Variants in ZNF618 observed in about 807,000 individuals in gnomAD.
ZNF618 encodes zinc finger protein 618.
Under a neutral mutation model 103.0 loss-of-function variants are expected in ZNF618, and 34 were observed. The observed-to-expected ratio is 0.33, with a 90% CI of 0.25 to 0.44. The LOEUF (loss-of-function observed/expected upper bound fraction) is 0.44, where lower values mean the gene tolerates loss of function less well. ZNF618 is among the 20% of genes least tolerant of loss of function. The pLI, the probability that ZNF618 is intolerant of heterozygous loss-of-function variation, is 1.00. For missense variants in ZNF618, 1,059 were observed against 1,295.4 expected, an observed-to-expected ratio of 0.82 and a Z score of 2.80; for synonymous variants, 551 against 542.2, an observed-to-expected ratio of 1.02 and a Z score of -0.23.
intron 9 of ZNF618, chr9:114,016,147 A>G (rs535922395): frequency 2.5e-6 from 4 of 1,613,726 alleles, no homozygotes; most frequent in Admixed American, 1.7e-5. Flanking sequence ...TTAAGAAGAA[A>G]GAAGTTAGGC....
intron 1 of ZNF618, among the ~76,000 whole-genome samples, chr9:113,930,951 A>G (rs1212830158): frequency 6.6e-6 from 1 of 152,236 alleles, no homozygotes. Flanking sequence ...ATATTTTTAC[A>G]TTAAATTGTG....
chr9:113,992,772 G>A (rs74986583), intron 3 of ZNF618, among the ~76,000 whole-genome samples: 5 of 152,332 alleles, frequency 3.3e-5, no homozygotes, highest in East Asian at 1.9e-4. Context: ...GGCACTTCCC[G>A]TGGGGGAGCC....
intron 1 of ZNF618, among the ~76,000 whole-genome samples, chr9:113,919,470 T>C (rs149926615): frequency 2.0e-5 from 3 of 152,360 alleles, no homozygotes; most frequent in Admixed American, 1.3e-4. Flanking sequence ...AGTTGAATTG[T>C]ATGTGTGTGT....
At position 114,050,063 on chromosome 9, in the gene ZNF618, G is replaced by A. The variant is rs757782164; in HGVS notation, c.2761G>A (p.Gly921Arg). 1.5e-5 allele frequency: 24 copies of A among 1,613,430 alleles called. No individual in the cohort carries two copies. Among genetic ancestry groups the A allele is most frequent in the Non-Finnish European group, 1.9e-5 (22 of 1,179,904 alleles). Residue 921 changes from glycine to arginine, a missense_variant, in exon 15 of 15, where the codon GGG becomes AGG. Gly to Arg is a moderately radical substitution (Grantham distance 125, BLOSUM62 -2). Coordinates refer to ENST00000374126, the MANE Select transcript of ZNF618 (RefSeq NM_001318042.2). ...LAVPAVGARS[G>R]CVNMCEQALL... ...GGTTCCGGCCGTGGGCGCCAGAAGC[G>A]GGTGTGTAAATATGTGTGAACAAGC...
chr9:113,991,607 C>A (rs988644964), intron 3 of ZNF618, among the ~76,000 whole-genome samples: 2 of 152,190 alleles, frequency 1.3e-5, no homozygotes, highest in Admixed American at 6.5e-5. Context: ...ATTGTTTCTG[C>A]TTTTTCCCAT....
chr9:114,003,053 T>C (rs918052643), intron 6 of ZNF618, among the ~76,000 whole-genome samples: 1 of 152,244 alleles, frequency 6.6e-6, no homozygotes, highest in Non-Finnish European at 1.5e-5. Flanking sequence ...TGTGTTCTTT[T>C]GACTCTGACT....
At chr9:113,932,798 T>A (rs1196550083) in intron 1 of ZNF618, among the ~76,000 whole-genome samples, 1 of 151,966 alleles carries the variant, frequency 6.6e-6, no homozygotes, top group African/African-American at 2.4e-5. Flanking sequence ...AGCCATTAGG[T>A]GAATTTTAAG....
intron 1 of ZNF618, among the ~76,000 whole-genome samples, chr9:113,889,347 T>TCCCTCCC (rs1477289947): frequency 3.8e-5 from 4 of 104,122 alleles, no homozygotes; most frequent in Admixed American, 2.8e-4. Context: ...CTCTCTCTCT[T>TCCCTCCC]TCTCTCCCTC....
At chr9:113,935,477 C>T (rs796419296) in intron 1 of ZNF618, among the ~76,000 whole-genome samples, 30 of 152,290 alleles carry the variant, frequency 2.0e-4, no homozygotes, top group African/African-American at 7.0e-4. Flanking sequence ...CTGCACCCCA[C>T]CTGGCCCTGG....
intron 10 of ZNF618, among the ~76,000 whole-genome samples, chr9:114,020,551 A>G (rs1217903911): frequency 6.6e-6 from 1 of 152,112 alleles, no homozygotes; most frequent in African/African-American, 2.4e-5. Context: ...ATCTCCAAGT[A>G]TTTTATGGTT....
chr9:114,007,800 A>G (rs933321780), intron 7 of ZNF618, among the ~76,000 whole-genome samples: 8 of 152,220 alleles, frequency 5.3e-5, no homozygotes, highest in Non-Finnish European at 1.2e-4. Context: ...AGCATCTTAG[A>G]TTATACAATT....
At chr9:113,915,050 AAAATCTTC>A (rs1831942123) in intron 1 of ZNF618, among the ~76,000 whole-genome samples, 1 of 152,226 alleles carries the variant, frequency 6.6e-6, no homozygotes, top group Non-Finnish European at 1.5e-5. Context: ...CTATAGAGGG[AAAATCTTC>A]TACCTTACTT....
chr9:113,915,706 G>A (rs78649734), intron 1 of ZNF618, among the ~76,000 whole-genome samples: 5,165 of 152,102 alleles, frequency 0.034, 86 homozygotes, highest in African/African-American at 0.045. Flanking sequence ...GGTGTGTGTG[G>A]GGTTTCTGGG....
intron 9 of ZNF618, among the ~76,000 whole-genome samples, chr9:114,013,808 T>C (rs896128297): frequency 1.3e-5 from 2 of 152,332 alleles, no homozygotes; most frequent in South Asian, 4.1e-4. Context: ...CTATTCATAG[T>C]GTGGCTCCAG....
At chr9:113,985,523 G>C (rs1402806829) in intron 2 of ZNF618, among the ~76,000 whole-genome samples, 1 of 151,160 alleles carries the variant, frequency 6.6e-6, no homozygotes, top group Admixed American at 6.6e-5. Flanking sequence ...GCTCCCCTCT[G>C]GGGGGCCAGG....
At chr9:113,989,004 CA>C (rs1564262373) in intron 3 of ZNF618, among the ~76,000 whole-genome samples, 1 of 152,182 alleles carries the variant, frequency 6.6e-6, no homozygotes, top group Non-Finnish European at 1.5e-5. Context: ...GGATCAGTGA[CA>C]GATGGCACTT....
At chr9:113,965,272 C>G (rs1588171454) in intron 1 of ZNF618, among the ~76,000 whole-genome samples, 1 of 152,236 alleles carries the variant, frequency 6.6e-6, no homozygotes, top group Non-Finnish European at 1.5e-5. Flanking sequence ...TAATGTCTTA[C>G]AACTTACATT....
intron 1 of ZNF618, among the ~76,000 whole-genome samples, chr9:113,947,099 C>T (rs1461607589): frequency 1.3e-5 from 2 of 152,124 alleles, no homozygotes; most frequent in African/African-American, 4.8e-5. Context: ...CATGAGCTTG[C>T]GGAGCCTGCT....
chr9:113,919,826 G>A (rs953194024), intron 1 of ZNF618, among the ~76,000 whole-genome samples: 7 of 152,236 alleles, frequency 4.6e-5, no homozygotes, highest in African/African-American at 1.7e-4. Flanking sequence ...GAAGTGACTG[G>A]CTCTTCGTAG....
Sources: gnomAD v4.1 joint callset for allele counts (sites outside exome capture counted in the v4.1 genomes callset) on GRCh38, gnomAD v4.1.1 for gene constraint, MANE v1.5 for transcripts, NCBI Gene and HGNC (gene_info 2026-07-23, HGNC 2026-07-21) for gene names.